Variants in NEMF observed in about 807,000 individuals in gnomAD.
The protein encoded by NEMF is ribosome quality control complex subunit NEMF.
In NEMF, 89 loss-of-function variants were observed where a neutral mutation model predicts 162.2. That is an observed-to-expected ratio of 0.55 (90% CI 0.46 to 0.65). The LOEUF (loss-of-function observed/expected upper bound fraction) is 0.65. Among genes scored for constraint, NEMF ranks in the 30% least tolerant of loss-of-function variants. NEMF has a pLI of 0.00. For missense variants in NEMF, 1,133 were observed against 1,261.9 expected (o/e 0.90, Z 1.55); for synonymous variants, 421 against 404.5 (o/e 1.04, Z -0.49).
intron 25 of NEMF, chr14:49,796,301 A>G: frequency 4.3e-6 from 2 of 464,856 alleles, no homozygotes; most frequent in Middle Eastern, 6.4e-4. Flanking sequence ...TAGGCATTCA[A>G]TAAAACATCT....
intron 1 of NEMF, 77 bp downstream of exon 1, chr14:49,852,618 G>C: frequency 6.8e-7 from 1 of 1,473,236 alleles, no homozygotes; most frequent in Admixed American, 1.7e-5. Flanking sequence ...ATATCAAGCT[G>C]GTCTGTTTGC....
intron 26 of NEMF, among the ~76,000 whole-genome samples, chr14:49,794,231 T>C (rs1890583823): frequency 6.6e-6 from 1 of 152,186 alleles, no homozygotes; most frequent in Admixed American, 6.5e-5. Context: ...TTAGCTATTC[T>C]CAAGCATTAC....
rs112460005 is a variant in NEMF, at chr14:49,846,642, AT to A, written c.232-378del. Among the ~76,000 whole-genome samples the A allele has an allele frequency of 3.6e-3, 549 of 151,936 alleles. 1 individual carries two copies. The highest frequency in any genetic ancestry group is 0.013 in the African/African-American group (531 of 41,430). On this transcript the variant is annotated intron_variant, in intron 3 of 32. Transcript: ENST00000298310. Reference sequence around the variant, plus strand: ...ACTATCCCCAGCTAATTTTTTCATTATTTGTAGAGACAGGGTCTCACTATGT... The same window carrying A: ...ACTATCCCCAGCTAATTTTTTCATTATTGTAGAGACAGGGTCTCACTATGT...
chr14:49,847,290 C>T (rs1893551509), intron 3 of NEMF, among the ~76,000 whole-genome samples: 2 of 152,080 alleles, frequency 1.3e-5, no homozygotes, highest in South Asian at 4.1e-4. Context: ...CAACTTCTGC[C>T]TCCCAGGTTC....
chr14:49,817,379 G>A (rs1891767209), intron 16 of NEMF, among the ~76,000 whole-genome samples: 1 of 152,164 alleles, frequency 6.6e-6, no homozygotes, highest in Non-Finnish European at 1.5e-5. Context: ...GGCAGAAGTT[G>A]CAATGAGCCA....
chr14:49,793,514 G>A (rs1247155781), intron 26 of NEMF, among the ~76,000 whole-genome samples: 1 of 152,184 alleles, frequency 6.6e-6, no homozygotes, highest in Non-Finnish European at 1.5e-5. Context: ...AAGACTCAAA[G>A]TGGTAAAAAT....
chr14:49,809,652 G>A (rs1306500413), intron 18 of NEMF, among the ~76,000 whole-genome samples: 1 of 151,456 alleles, frequency 6.6e-6, no homozygotes. Flanking sequence ...CACTTGTCAG[G>A]AGTTCGAGAC....
chr14:49,801,393 CAGA>C (rs1199896625), intron 22 of NEMF: 2 of 151,934 alleles, frequency 1.3e-5, no homozygotes, highest in South Asian at 2.1e-4. Flanking sequence ...GAGGCTGAGG[CAGA>C]AGAATTGCTA....
At chr14:49,845,566 A>C (rs1002423550) in intron 4 of NEMF, among the ~76,000 whole-genome samples, 28 of 152,202 alleles carry the variant, frequency 1.8e-4, no homozygotes, top group Non-Finnish European at 7.3e-5. Flanking sequence ...CATATCGTAC[A>C]GCTGTACAAT....
intron 18 of NEMF, among the ~76,000 whole-genome samples, chr14:49,812,919 G>A (rs1434863367): frequency 6.6e-6 from 1 of 152,034 alleles, no homozygotes; most frequent in Non-Finnish European, 1.5e-5. Flanking sequence ...GGGACTACAG[G>A]CGTGTGCCAC....
rs1191039221 is a variant in NEMF, at chr14:49,846,222, T to C, written c.275A>G (p.Gln92Arg). 3 of 1,613,772 alleles carry C rather than the reference T, an allele frequency of 1.9e-6. No individual in the cohort carries two copies. The highest frequency in any genetic ancestry group is 2.5e-6 in the Non-Finnish European group (3 of 1,179,840). The change falls in exon 4 of 33, where the codon CAG becomes CGG. Residue 92 changes from glutamine (Q) to arginine (R), a missense_variant. Gln to Arg is a conservative substitution (Grantham distance 43). Coordinates refer to ENST00000298310, the MANE Select transcript of NEMF (RefSeq NM_004713.6). The stretch of plus-strand genomic sequence containing the variant: ...ATCTACAATTCTATCCACACCAAGC[T>C]GTTTTGCACTGACTAATCTCCGACT... ...LKSRRLVSAK[Q>R]LGVDRIVDFQ...
intron 25 of NEMF, 197 bp from the exon 26 acceptor site, chr14:49,796,141 C>G: frequency 1.6e-6 from 1 of 611,468 alleles, no homozygotes; most frequent in African/African-American, 1.8e-5. Context: ...TTTCATCTCT[C>G]ATGGATTTAT....
At position 49,821,625 on chromosome 14, in the gene NEMF, G is replaced by A. The variant is rs1357506859; in HGVS notation, c.1577+4242C>T. On this transcript the variant is annotated intron_variant, in intron 16 of 32. Transcript: ENST00000298310. ...CCCCGCCCGGCCAGCTGCCCCGTCC[G>A]GGAGGGAGGTGGGGGGCTCAGCCCC... Among the ~76,000 whole-genome samples the A allele has an allele frequency of 8.4e-4, 81 of 96,706 alleles. 1 individual carries two copies. Among genetic ancestry groups the A allele is most frequent in the African/African-American group, 3.0e-3 (75 of 24,626 alleles). The allele number at this position is 96,706 out of a possible 152,430, so 63.4% of individuals were successfully genotyped here. A position where few individuals can be genotyped will look rare whatever the true frequency, so the allele number is the denominator to read the frequency against.
intron 6 of NEMF, among the ~76,000 whole-genome samples, chr14:49,836,690 A>G (rs555846102): frequency 4.8e-5 from 7 of 146,636 alleles, no homozygotes; most frequent in African/African-American, 1.5e-4. Context: ...AACTCTTTTG[A>G]AAAAAAAAAA....
At chr14:49,846,476 A>C (rs1893507839) in intron 3 of NEMF, among the ~76,000 whole-genome samples, 1 of 152,118 alleles carries the variant, frequency 6.6e-6, no homozygotes, top group South Asian at 2.1e-4. Context: ...TTTTATTTGC[A>C]TTTTTTTAAG....
chr14:49,789,674 T>C (rs1890350625), intron 26 of NEMF, 101 bp from the exon 27 acceptor site: 2 of 1,467,100 alleles, frequency 1.4e-6, no homozygotes, highest in African/African-American at 1.4e-5. Context: ...CTGTCAAAAA[T>C]GCTTACTGAA....
chr14:49,831,237 T>A, intron 11 of NEMF, 62 bp downstream of exon 11: 1 of 880,546 alleles, frequency 1.1e-6, no homozygotes. Context: ...CTTTCCTATA[T>A]CATCTACCCA....
At chr14:49,802,387 G>C in intron 22 of NEMF, 66 bp downstream of exon 22, 1 of 1,511,150 alleles carries the variant, frequency 6.6e-7, no homozygotes. Flanking sequence ...GATCTTCTAA[G>C]GATTTAGAAG....
At position 49,825,742 on chromosome 14, in the gene NEMF, A is replaced by G. The variant is rs189313621; in HGVS notation, c.1577+125T>C. 8 of 638,168 alleles carry G rather than the reference A, an allele frequency of 1.3e-5. No individual in the cohort carries two copies. The East Asian group carries it at 2.2e-4, about 18-fold the overall frequency. 39.5% of individuals were successfully genotyped at this position (638,168 alleles called of 1,614,324 possible). On this transcript the variant is annotated intron_variant, in intron 16 of 32. Coordinates refer to ENST00000298310, the MANE Select transcript of NEMF (RefSeq NM_004713.6). ...CAGAGAACCTGTCTCAAACAAACCA[A>G]CAAAAAATTGCAGAGCTACTGGTTT...
Sources: allele counts gnomAD v4.1 joint callset (sites outside exome capture counted in the v4.1 genomes callset), GRCh38; gene constraint gnomAD v4.1.1; transcripts MANE v1.5; gene names NCBI Gene and HGNC (gene_info 2026-07-23, HGNC 2026-07-21).